Variants in DCDC1 observed in about 807,000 individuals in gnomAD.
DCDC1 encodes the protein doublecortin domain containing 1.
DCDC1 carries 200 observed loss-of-function variants against 178.3 expected under a neutral mutation model. That is an observed-to-expected ratio of 1.12 (90% CI 1.00 to 1.26). The LOEUF (loss-of-function observed/expected upper bound fraction) is 1.26. Ranked by LOEUF, DCDC1 falls within the 50% of genes most tolerant of loss-of-function variation. The pLI is 0.00. For missense variants in DCDC1, 1,983 were observed against 1,749.2 expected (o/e 1.13, Z -2.38); for synonymous variants, 690 against 604.8 (o/e 1.14, Z -2.07).
chr11:30,913,519 C>T (rs1170190722), intron 27 of DCDC1, among the ~76,000 whole-genome samples: 1 of 152,204 alleles, frequency 6.6e-6, no homozygotes, highest in Non-Finnish European at 1.5e-5. Flanking sequence ...TGCTCCACCT[C>T]TTCTCTCTGG....
intron 3 of DCDC1, among the ~76,000 whole-genome samples, chr11:31,310,914 T>C (rs1228292355): frequency 2.0e-5 from 3 of 152,170 alleles, no homozygotes; most frequent in Non-Finnish European, 2.9e-5. Flanking sequence ...TGGAAGGCCA[T>C]TCATGGCTGT....
At chr11:31,329,513 C>T (rs1949847910) in intron 2 of DCDC1, among the ~76,000 whole-genome samples, 1 of 152,134 alleles carries the variant, frequency 6.6e-6, no homozygotes, top group African/African-American at 2.4e-5. Flanking sequence ...TTGTCATTTA[C>T]ATTGGGTATT....
intron 9 of DCDC1, among the ~76,000 whole-genome samples, chr11:31,154,016 A>C (rs1376735235): frequency 6.6e-6 from 1 of 152,116 alleles, no homozygotes; most frequent in Non-Finnish European, 1.5e-5. Context: ...AGGCGATTAG[A>C]TCATGGGGGC....
At chr11:31,085,324 AT>A (rs546063469) in intron 17 of DCDC1, among the ~76,000 whole-genome samples, 134 of 152,190 alleles carry the variant, frequency 8.8e-4, no homozygotes, top group Non-Finnish European at 1.6e-3. Context: ...ACATATCCAC[AT>A]CTGTCATGCA....
chr11:31,264,330 C>T (rs1427922386), intron 8 of DCDC1, among the ~76,000 whole-genome samples: 2 of 152,054 alleles, frequency 1.3e-5, no homozygotes, highest in Non-Finnish European at 2.9e-5. Flanking sequence ...AGGAAGGGTG[C>T]ATACATACAA....
intron 7 of DCDC1, among the ~76,000 whole-genome samples, chr11:31,272,078 C>T (rs1014913530): frequency 2.6e-5 from 4 of 151,110 alleles, no homozygotes; most frequent in Admixed American, 1.3e-4. Flanking sequence ...GGGAGAATCA[C>T]TTGAACCCAG....
intron 28 of DCDC1, among the ~76,000 whole-genome samples, chr11:30,909,966 G>T (rs531540485): frequency 6.6e-6 from 1 of 152,228 alleles, no homozygotes; most frequent in African/African-American, 2.4e-5. Context: ...TTTACCAAGC[G>T]AGAGCTTAAT....
intron 8 of DCDC1, among the ~76,000 whole-genome samples, chr11:31,247,716 T>C (rs1943672056): frequency 6.6e-6 from 1 of 151,992 alleles, no homozygotes; most frequent in Non-Finnish European, 1.5e-5. Context: ...CAGTAGCACA[T>C]TGGTAGAACA....
intron 10 of DCDC1, among the ~76,000 whole-genome samples, chr11:31,134,237 A>G (rs1001308921): frequency 2.0e-5 from 3 of 152,208 alleles, no homozygotes; most frequent in African/African-American, 7.2e-5. Context: ...AACAAGGATG[A>G]TGTCAATTAT....
At chr11:30,934,191 T>TA (rs1261400961) in intron 21 of DCDC1, among the ~76,000 whole-genome samples, 1 of 152,100 alleles carries the variant, frequency 6.6e-6, no homozygotes, top group Non-Finnish European at 1.5e-5. Context: ...ACCCAGTAGG[T>TA]ATTTGGTTTC....
chr11:31,284,134 A>G (rs1260337971), intron 7 of DCDC1, among the ~76,000 whole-genome samples: 2 of 152,132 alleles, frequency 1.3e-5, no homozygotes, highest in Non-Finnish European at 2.9e-5. Flanking sequence ...TATTTTGTCC[A>G]GTTTTTCAGT....
chr11:31,192,976 A>AT (rs1970293417), intron 9 of DCDC1, among the ~76,000 whole-genome samples: 1 of 152,122 alleles, frequency 6.6e-6, no homozygotes, highest in African/African-American at 2.4e-5. Flanking sequence ...TGGGACATCC[A>AT]TCTTCTCCTG....
In DCDC1 at chr11:30,890,148, C is replaced by T. The variant is rs1277072031; in HGVS notation, c.5082+2670G>A. On this transcript the variant is annotated intron_variant, in intron 36 of 38. Coordinates refer to ENST00000684477, the MANE Select transcript of DCDC1 (RefSeq NM_001387274.1). ...TGGCACCTTGATCTTGGACATCCAG[C>T]CTCCAGAACTGTGAGAAAATCAACT... Among the ~76,000 whole-genome samples the T allele has an allele frequency of 3.3e-5, 5 of 152,198 alleles. No homozygotes were observed. The East Asian group carries it at 7.7e-4, about 23-fold the overall frequency.
intron 31 of DCDC1, 179 bp downstream of exon 31, chr11:30,904,782 A>G (rs1944940918): frequency 2.8e-6 from 2 of 701,918 alleles, no homozygotes; most frequent in Non-Finnish European, 4.7e-6. Flanking sequence ...GTCTGTATCC[A>G]CTGACATACA....
At chr11:31,232,601 T>C (rs562063205) in intron 9 of DCDC1, among the ~76,000 whole-genome samples, 3 of 152,300 alleles carry the variant, frequency 2.0e-5, no homozygotes, top group Admixed American at 2.0e-4. Context: ...CTTTTCAAAC[T>C]CTGCCCATAC....
At chr11:31,146,372 C>T (rs957106755) in intron 9 of DCDC1, among the ~76,000 whole-genome samples, 1 of 152,190 alleles carries the variant, frequency 6.6e-6, no homozygotes. Flanking sequence ...AGGTGTGAGC[C>T]ACCATGCCCA....
At chr11:31,159,651 C>T (rs563992435) in intron 9 of DCDC1, among the ~76,000 whole-genome samples, 19 of 152,264 alleles carry the variant, frequency 1.2e-4, no homozygotes, top group Admixed American at 5.2e-4. Context: ...TCTCATGCTT[C>T]AAGAAAGAAA....
chr11:31,089,697 C>A (rs1032350654), intron 17 of DCDC1, among the ~76,000 whole-genome samples: 2 of 146,750 alleles, frequency 1.4e-5, no homozygotes, highest in Non-Finnish European at 3.0e-5. Context: ...CTGCTATTTT[C>A]TTCCACATTG....
Position 31,137,795 on chromosome 11 carries a change from C to A in DCDC1, c.1222-11G>T. Reference sequence around the variant, plus strand: ...CATGACCAGGTTCAACTAGAAAAAACAAATAAACAGCATGAAAGCAGGTAT... The same window carrying A: ...CATGACCAGGTTCAACTAGAAAAAAAAAATAAACAGCATGAAAGCAGGTAT... On this transcript the variant is annotated splice_polypyrimidine_tract_variant and intron_variant, in intron 9 of 38. Coordinates refer to ENST00000684477, the MANE Select transcript of DCDC1 (RefSeq NM_001387274.1). The A allele has an allele frequency of 2.9e-6, 2 of 700,956 alleles. No individual in the cohort carries two copies. The highest frequency in any genetic ancestry group is 1.5e-5 in the South Asian group (1 of 67,160). 43.4% of individuals were successfully genotyped at this position (700,956 alleles called of 1,614,324 possible).
Sources: allele counts gnomAD v4.1 joint callset (sites outside exome capture counted in the v4.1 genomes callset), GRCh38; gene constraint gnomAD v4.1.1; transcripts MANE v1.5; gene names NCBI Gene and HGNC (gene_info 2026-07-23, HGNC 2026-07-21).